The following HIPK2 variants were observed in gnomAD, a reference collection of about 807,000 sequenced individuals.
The protein encoded by HIPK2 is homeodomain interacting protein kinase 2, also known as homeodomain-interacting protein kinase 2.
Under a neutral mutation model 113.7 loss-of-function variants are expected in HIPK2, and 27 were observed. The ratio of observed to expected loss-of-function variants is 0.24; its 90% CI spans 0.17 to 0.33. The LOEUF (loss-of-function observed/expected upper bound fraction) is 0.33. HIPK2 is among the 10% of genes least tolerant of loss of function. HIPK2 has a pLI of 1.00. For synonymous variants in HIPK2, 631 were observed against 642.2 expected (o/e 0.98, Z 0.26); for missense variants, 1,257 against 1,588.0 (o/e 0.79, Z 3.54).
chr7:139,632,480 T>C (rs974886471), intron 2 of HIPK2, among the ~76,000 whole-genome samples: 3 of 152,246 alleles, frequency 2.0e-5, no homozygotes, highest in Non-Finnish European at 4.4e-5. Flanking sequence ...AAAGCTAATC[T>C]TCTTAGAAGT....
At chr7:139,740,110 TC>T (rs1243191450) in intron 1 of HIPK2, among the ~76,000 whole-genome samples, 3 of 152,122 alleles carry the variant, frequency 2.0e-5, no homozygotes, top group African/African-American at 7.2e-5. Context: ...ACACTTGTTT[TC>T]CAAAGTGGCC....
At position 139,572,723 on chromosome 7, in the gene HIPK2, T is replaced by G; in HGVS notation, c.*204A>C. ...TGCTCTACGTCCTCCCACTTCCCGG[T>G]TCAAGTTTCACTGGTGTCCCGACCC... On this transcript the variant is annotated 3_prime_UTR_variant, in exon 15 of 15. Coordinates refer to ENST00000406875, the MANE Select transcript of HIPK2 (RefSeq NM_022740.5). 1 of 496,004 alleles carries G rather than the reference T, an allele frequency of 2.0e-6. No homozygotes were observed. 30.7% of individuals were successfully genotyped at this position (496,004 alleles called of 1,614,324 possible). A position where few individuals can be genotyped will look rare whatever the true frequency, so the allele number is the denominator to read the frequency against.
At chr7:139,582,014 G>A (rs949355189) in intron 13 of HIPK2, among the ~76,000 whole-genome samples, 49 of 152,338 alleles carry the variant, frequency 3.2e-4, no homozygotes, top group African/African-American at 1.2e-3. Flanking sequence ...AAAGTATGCA[G>A]CTCTCTTTAA....
At chr7:139,695,059 T>A (rs1794523850) in intron 2 of HIPK2, among the ~76,000 whole-genome samples, 1 of 152,224 alleles carries the variant, frequency 6.6e-6, no homozygotes, top group Non-Finnish European at 1.5e-5. Flanking sequence ...TGCTCTTGCC[T>A]CTGGCTGCGA....
chr7:139,710,441 T>C (rs573102202), intron 2 of HIPK2, among the ~76,000 whole-genome samples: 1 of 152,332 alleles, frequency 6.6e-6, no homozygotes, highest in South Asian at 2.1e-4. Flanking sequence ...TGCTCATCAT[T>C]GTTTCCCTAG....
At chr7:139,593,440 C>T (rs568734976) in intron 12 of HIPK2, among the ~76,000 whole-genome samples, 1 of 152,346 alleles carries the variant, frequency 6.6e-6, no homozygotes, top group South Asian at 2.1e-4. Flanking sequence ...TGCTGGCCAG[C>T]CATCTGCTGT....
At chr7:139,742,036 G>C (rs1796111552) in intron 1 of HIPK2, among the ~76,000 whole-genome samples, 1 of 152,146 alleles carries the variant, frequency 6.6e-6, no homozygotes. Context: ...AAAATCAGAG[G>C]ACCTGAATTC....
At chr7:139,667,051 C>T (rs1256165617) in intron 2 of HIPK2, among the ~76,000 whole-genome samples, 2 of 148,846 alleles carry the variant, frequency 1.3e-5, no homozygotes, top group African/African-American at 2.5e-5. Flanking sequence ...GGCAACAGAG[C>T]GAGACTCCTT....
At chr7:139,641,677 C>T (rs1801029466) in intron 2 of HIPK2, among the ~76,000 whole-genome samples, 2 of 152,164 alleles carry the variant, frequency 1.3e-5, no homozygotes, top group South Asian at 4.1e-4. Flanking sequence ...ATTACTGTGT[C>T]TGCTTATGGC....
chr7:139,675,879 G>T (rs562698257), intron 2 of HIPK2, among the ~76,000 whole-genome samples: 16 of 152,276 alleles, frequency 1.1e-4, no homozygotes, highest in African/African-American at 3.9e-4. Context: ...AATGATGCCT[G>T]AACAGATGGC....
intron 2 of HIPK2, among the ~76,000 whole-genome samples, chr7:139,656,485 C>T (rs528016870): frequency 6.6e-6 from 1 of 152,344 alleles, no homozygotes; most frequent in African/African-American, 2.4e-5. Context: ...TGCCACTACT[C>T]CCTTGGCCTG....
chr7:139,698,932 G>C (rs1213665801), intron 2 of HIPK2, among the ~76,000 whole-genome samples: 1 of 152,096 alleles, frequency 6.6e-6, no homozygotes, highest in East Asian at 1.9e-4. Flanking sequence ...GCAGCAAGAA[G>C]TTACAGCAGA....
intron 5 of HIPK2, among the ~76,000 whole-genome samples, chr7:139,627,964 T>C (rs915602525): frequency 6.6e-6 from 1 of 152,186 alleles, no homozygotes; most frequent in Non-Finnish European, 1.5e-5. Flanking sequence ...ATAGGGTCTT[T>C]GCAGATGTAA....
At chr7:139,669,332 A>AT (rs1802178372) in intron 2 of HIPK2, among the ~76,000 whole-genome samples, 1 of 152,212 alleles carries the variant, frequency 6.6e-6, no homozygotes, top group South Asian at 2.1e-4. Context: ...GGCAGGGGAG[A>AT]TAACACCCAA....
At chr7:139,580,177 G>A (rs907804489) in intron 13 of HIPK2, among the ~76,000 whole-genome samples, 2 of 152,174 alleles carry the variant, frequency 1.3e-5, no homozygotes, top group Admixed American at 6.5e-5. Context: ...GACTGTGCTG[G>A]GCCCCGCTGT....
At chr7:139,758,486 C>T (rs185417113) in intron 1 of HIPK2, among the ~76,000 whole-genome samples, 19 of 152,288 alleles carry the variant, frequency 1.2e-4, no homozygotes, top group African/African-American at 2.9e-4. Context: ...CTCCCCACCC[C>T]GCCCTGGCCC....
At chr7:139,773,855 G>C (rs1163914158) in intron 1 of HIPK2, among the ~76,000 whole-genome samples, 1 of 152,198 alleles carries the variant, frequency 6.6e-6, no homozygotes, top group Non-Finnish European at 1.5e-5. Flanking sequence ...TTGGTTAACG[G>C]CAAAGGTTAT....
chr7:139,670,719 T>C (rs13227879), intron 2 of HIPK2, among the ~76,000 whole-genome samples: 105,826 of 146,158 alleles, frequency 0.72, 40,511 homozygotes, highest in East Asian at 0.93. Context: ...AAATAGGTTT[T>C]ATTTCTTTTT....
chr7:139,773,794 C>A (rs904478638), intron 1 of HIPK2, among the ~76,000 whole-genome samples: 1 of 152,220 alleles, frequency 6.6e-6, no homozygotes, highest in Non-Finnish European at 1.5e-5. Flanking sequence ...CTTGGTGAAC[C>A]ACCTCTGGGT....
Sources: gnomAD v4.1 joint callset for allele counts (sites outside exome capture counted in the v4.1 genomes callset) on GRCh38, gnomAD v4.1.1 for gene constraint, MANE v1.5 for transcripts, NCBI Gene and HGNC (gene_info 2026-07-23, HGNC 2026-07-21) for gene names.